The following NEB variants were observed in gnomAD, a reference collection of about 807,000 sequenced individuals.
The protein encoded by NEB is nemaline myopathy type 2.
A neutral mutation model predicts 952.2 loss-of-function variants in NEB; 512 were observed. That is an observed-to-expected ratio of 0.54 (90% confidence interval 0.50 to 0.58). The LOEUF (loss-of-function observed/expected upper bound fraction) is 0.58, where lower values mean the gene tolerates loss of function less well. NEB is among the 20% of genes least tolerant of loss of function. The pLI, the probability that NEB is intolerant of heterozygous loss-of-function variation, is 0.00. For missense variants in NEB, 8,428 were observed against 9,231.1 expected, an observed-to-expected ratio of 0.91 and a Z score of 3.56; for synonymous variants, 2,900 against 3,149.8, an observed-to-expected ratio of 0.92 and a Z score of 2.66.
chr2:151,707,557 C>G (rs1011199702), intron 12 of NEB, among the ~76,000 whole-genome samples: 2 of 152,146 alleles, frequency 1.3e-5, no homozygotes, highest in African/African-American at 4.8e-5. Context: ...CTTGCTTTTC[C>G]TTCTGCTGTT....
Position 151,530,007 on chromosome 2 carries a change from C to G in NEB, c.21631-693G>C, listed in dbSNP as rs147042788. 1.5e-3 allele frequency among the ~76,000 whole-genome samples: 234 copies of G among 152,314 alleles called. 1 individual carries two copies. The highest frequency in any genetic ancestry group is 4.9e-3 in the African/African-American group (205 of 41,576). On this transcript the variant is annotated intron_variant, in intron 145 of 181. Transcript: ENST00000397345. ...AGACAGAATTAGTCTTGCTCTCCTT[C>G]TGTGCTCCGGCAGTTATAGCTATTA... is the stretch of plus-strand genomic sequence containing the variant.
chr2:151,680,024 T>C lies in NEB; in HGVS notation c.3043-2A>G. On this transcript the variant is annotated splice_acceptor_variant, in intron 30 of 181. Coordinates refer to ENST00000397345, the MANE Select transcript of NEB (RefSeq NM_001164508.2). LOFTEE classifies it high-confidence loss of function. Reference sequence around the variant, plus strand: ...CTCTCCTTTGGCTTTGTAAGCGATCTGAAAGAGAAAAAAATGCATAAACAA... The same window carrying C: ...CTCTCCTTTGGCTTTGTAAGCGATCCGAAAGAGAAAAAAATGCATAAACAA... 1 of 1,589,232 alleles carries C rather than the reference T, an allele frequency of 6.3e-7. No homozygotes were observed. The highest frequency in any genetic ancestry group is 8.6e-7 in the Non-Finnish European group (1 of 1,158,118).
intron 168 of NEB, among the ~76,000 whole-genome samples, chr2:151,500,471 A>C (rs949906522): frequency 6.6e-6 from 1 of 152,134 alleles, no homozygotes; most frequent in Non-Finnish European, 1.5e-5. Context: ...ATATTAATAA[A>C]AGATAACATT....
Position 151,690,836 on chromosome 2 carries a change from A to T in NEB, c.2212-11T>A, listed in dbSNP as rs747949097. Reference sequence around the variant, plus strand: ...AACTTTGTAGGTATGCTAGAAAAGAAGATGTTCTTTAATGAAATATCAGTA... The same window carrying T: ...AACTTTGTAGGTATGCTAGAAAAGATGATGTTCTTTAATGAAATATCAGTA... On this transcript the variant is annotated splice_polypyrimidine_tract_variant and intron_variant, in intron 23 of 181. Transcript: ENST00000397345. 1.3e-6 allele frequency: 2 copies of T among 1,536,858 alleles called. No individual in the cohort carries two copies. Among genetic ancestry groups the T allele is most frequent in the Non-Finnish European group, 1.8e-6 (2 of 1,127,298 alleles).
chr2:151,503,039 A>G (rs2065922857), intron 166 of NEB, 154 bp from the exon 167 acceptor site: 1 of 602,324 alleles, frequency 1.7e-6, no homozygotes, highest in Admixed American at 3.3e-5. Context: ...CACAGTTTTA[A>G]TGATGAACTC....
Position 151,562,703 on chromosome 2 carries a change from G to C in NEB, c.18799C>G (p.Leu6267Val), listed in dbSNP as rs749915831. 6.2e-7 allele frequency: 1 copy of C among 1,607,454 alleles called. No individual in the cohort carries two copies. Among genetic ancestry groups the C allele is most frequent in the Non-Finnish European group, 8.5e-7 (1 of 1,176,222 alleles). The change falls in exon 120 of 182, where the codon CTG (leucine) becomes GTG (valine). Residue 6267 changes from leucine to valine, a missense_variant. By Grantham distance (32) the Leu-to-Val change is conservative. Around this residue, in one of 11 missense-constraint regions of NEB, gnomAD observed 3,374 missense variants for 3,651.5 expected, o/e 0.92. Coordinates refer to ENST00000397345, the MANE Select transcript of NEB (RefSeq NM_001164508.2). Reference sequence around the variant, plus strand: ...TGGTGGAAATAGTGTCGATACTCCAGGTCACTGAGGATGTACTGGCACCTT... The same window carrying C: ...TGGTGGAAATAGTGTCGATACTCCACGTCACTGAGGATGTACTGGCACCTT... ...AKRCQYILSD[L>V]EYRHYFHQWT...
At position 151,575,819 on chromosome 2, in the gene NEB, T is replaced by C; in HGVS notation, c.16909-20A>G. 6.8e-7 allele frequency: 1 copy of C among 1,469,734 alleles called. No individual in the cohort carries two copies. Among genetic ancestry groups the C allele is most frequent in the East Asian group, 2.3e-5 (1 of 44,306 alleles). 91.0% of individuals were successfully genotyped at this position (1,469,734 alleles called of 1,614,324 possible). Reference sequence around the variant, plus strand: ...CTTTGGCTGTGGAAAGAAACAAAAATAATAAAATTACTTCACAATTTTCAT... The same window carrying C: ...CTTTGGCTGTGGAAAGAAACAAAAACAATAAAATTACTTCACAATTTTCAT... On this transcript the variant is annotated intron_variant, in intron 106 of 181. Coordinates refer to ENST00000397345, the MANE Select transcript of NEB (RefSeq NM_001164508.2).
chr2:151,508,042 A>G lies in NEB; in HGVS notation c.23414T>C (p.Ile7805Thr). The change falls in exon 162 of 182, where the codon ATA (isoleucine) becomes ACA (threonine). Residue 7805 changes from isoleucine to threonine, a missense_variant. Coordinates refer to ENST00000397345, the MANE Select transcript of NEB (RefSeq NM_001164508.2). ...YYETVLDTPE[I>T]QRVRENQKNF... Reference sequence around the variant, plus strand: ...CTTTTGGTTCTCCCGGACTCTCTGTATCTCTGGGGTGTCCAAAACAGTCTC... The same window carrying G: ...CTTTTGGTTCTCCCGGACTCTCTGTGTCTCTGGGGTGTCCAAAACAGTCTC... 6.2e-7 allele frequency: 1 copy of G among 1,611,116 alleles called. No homozygotes were observed.
intron 105 of NEB, among the ~76,000 whole-genome samples, chr2:151,578,794 G>A (rs1005630789): frequency 6.7e-5 from 10 of 149,606 alleles, no homozygotes; most frequent in African/African-American, 1.7e-4. Context: ...AAGGAAGGGC[G>A]GGCAAGGCTG....
At chr2:151,519,824 TG>T in intron 153 of NEB, 56 bp from the exon 154 acceptor site, 1 of 1,175,490 alleles carries the variant, frequency 8.5e-7, no homozygotes. Context: ...ATTTGGGAAT[TG>T]GGGAATAGTA....
intron 2 of NEB, 90 bp from the exon 3 acceptor site, chr2:151,733,275 C>A: frequency 1.0e-6 from 1 of 954,404 alleles, no homozygotes; most frequent in Non-Finnish European, 1.6e-6. Flanking sequence ...GAATTTGAAG[C>A]TAAACTATTG....
In NEB at chr2:151,669,149, A is replaced by G. The variant is rs972292638; in HGVS notation, c.4507-18T>C. 6.9e-7 allele frequency: 1 copy of G among 1,457,700 alleles called. No individual in the cohort carries two copies. Among genetic ancestry groups the G allele is most frequent in the Non-Finnish European group, 9.5e-7 (1 of 1,056,414 alleles). The allele number at this position is 1,457,700 out of a possible 1,614,324, so 90.3% of individuals were successfully genotyped here. On this transcript the variant is annotated intron_variant, in intron 38 of 181. Transcript: ENST00000397345. ...TAGTTCAACTAAAAACAAAGGAGAC[A>G]GCATGCACATATCATTAGCTGACAT... is the stretch of plus-strand genomic sequence containing the variant.
intron 14 of NEB, 37 bp from the exon 15 acceptor site, chr2:151,697,494 A>G (rs1403103222): frequency 6.2e-7 from 1 of 1,606,360 alleles, no homozygotes; most frequent in Non-Finnish European, 8.5e-7. Flanking sequence ...TTAATTGGTG[A>G]AATAATGGGT....
chr2:151,546,909 T>C (rs928470376), intron 133 of NEB, among the ~76,000 whole-genome samples: 2 of 152,160 alleles, frequency 1.3e-5, no homozygotes, highest in Non-Finnish European at 2.9e-5. Flanking sequence ...TAAGTCATGT[T>C]TTTTTTCATT....
chr2:151,560,887 C>A, intron 123 of NEB, 117 bp downstream of exon 123: 1 of 776,714 alleles, frequency 1.3e-6, no homozygotes. Flanking sequence ...ATTGAAGGTC[C>A]AGGAAAAAAC....
intron 143 of NEB, 21 bp downstream of exon 143, chr2:151,533,421 T>G: frequency 6.7e-7 from 1 of 1,495,618 alleles, no homozygotes. Flanking sequence ...ACCTCCTTCT[T>G]CACATCCCAT....
chr2:151,639,500 A>T, intron 62 of NEB, 116 bp from the exon 63 acceptor site: 1 of 743,752 alleles, frequency 1.3e-6, no homozygotes. Context: ...TTTTATACAC[A>T]TTATGTGTTT....
chr2:151,663,961 C>A, intron 44 of NEB, 102 bp from the exon 45 acceptor site: 1 of 1,209,946 alleles, frequency 8.3e-7, no homozygotes, highest in Non-Finnish European at 1.1e-6. Context: ...GGTTTTAGAG[C>A]TACTCTAAAA....
rs762755708 is a variant in NEB at position 151,541,444 on chromosome 2, T to C, written c.20682+3A>G. ...TGGCAGGCTTATGAACCTCTGAGCTTACCTGACTCTGAAGCTTCTGCCCTC... is the reference window on the plus strand; with the variant it reads ...TGGCAGGCTTATGAACCTCTGAGCTCACCTGACTCTGAAGCTTCTGCCCTC... On this transcript the variant is annotated splice_donor_region_variant and intron_variant, in intron 136 of 181. Transcript: ENST00000397345. 6.2e-7 allele frequency: 1 copy of C among 1,609,496 alleles called. No individual in the cohort carries two copies. The highest frequency in any genetic ancestry group is 8.5e-7 in the Non-Finnish European group (1 of 1,177,130).
Sources: allele counts gnomAD v4.1 joint callset (sites outside exome capture counted in the v4.1 genomes callset), GRCh38; gene constraint gnomAD v4.1.1; regional missense constraint gnomAD v4.1.1; transcripts MANE v1.5; gene names NCBI Gene and HGNC (gene_info 2026-07-23, HGNC 2026-07-21).